Variants in PLXNB1 observed in about 807,000 individuals in gnomAD.
PLXNB1 encodes the protein plexin-B1.
A neutral mutation model predicts 209.4 loss-of-function variants in PLXNB1; 106 were observed. That is an observed-to-expected ratio of 0.51 (90% CI 0.43 to 0.59). The LOEUF (loss-of-function observed/expected upper bound fraction) is 0.59, where lower values mean the gene tolerates loss of function less well. Among genes scored for constraint, PLXNB1 ranks in the 20% least tolerant of loss-of-function variants. The probability of loss-of-function intolerance (pLI) is 0.00; values close to 1 mark genes in which losing one functional copy is unlikely to be tolerated. For synonymous variants in PLXNB1, 1,167 were observed against 1,183.2 expected, an observed-to-expected ratio of 0.99 and a Z score of 0.28; for missense variants, 2,357 against 2,853.2, an observed-to-expected ratio of 0.83 and a Z score of 3.96.
At chr3:48,422,513 A>G (rs950652990) in intron 4 of PLXNB1, 54 bp from the exon 5 acceptor site, 14 of 1,506,578 alleles carry the variant, frequency 9.3e-6, no homozygotes, top group Non-Finnish European at 1.2e-5. Context: ...AGAGGCCCAA[A>G]GCCCTCCCCT....
In PLXNB1 at chr3:48,422,083, G is replaced by A. The variant is rs1031684782; in HGVS notation, c.1520+22C>T. 5.6e-6 allele frequency: 9 copies of A among 1,593,752 alleles called. No individual in the cohort carries two copies. The African/African-American group carries it at 9.4e-5, about 17-fold the overall frequency. ...GCATTGTGGGCTTGAGGCTGGGGCT[G>A]GGATGGGGTCAGAAATCTGACCTGC... On this transcript the variant is annotated intron_variant, in intron 6 of 37. Transcript: ENST00000296440.
rs200324944 is a variant in PLXNB1 at position 48,409,573 on chromosome 3, G to A, written c.5937C>T (p.Asn1979=). ...DQDTIHIWKT[N]SLPLRFWINI... Reference sequence around the variant, plus strand: ...GAGCCCACCCAGCTCCACCCCACCTGTTGGTCTTCCAGATGTGGATGGTGT... The same window carrying A: ...GAGCCCACCCAGCTCCACCCCACCTATTGGTCTTCCAGATGTGGATGGTGT... Residue 1979 remains asparagine, a splice_region_variant and synonymous_variant, in exon 33 of 38, where the codon AAC becomes AAT. Coordinates refer to ENST00000296440, the MANE Select transcript of PLXNB1 (RefSeq NM_001130082.3). The surrounding 1 kb of genome is among the most constrained non-coding windows in gnomAD (Gnocchi z 5.8). 1.9e-6 allele frequency: 3 copies of A among 1,613,454 alleles called. No individual in the cohort carries two copies. The highest frequency in any genetic ancestry group is 8.5e-7 in the Non-Finnish European group (1 of 1,179,732).
At position 48,421,690 on chromosome 3, in the gene PLXNB1, C is replaced by T. The variant is rs754980263; in HGVS notation, c.1637G>A (p.Arg546Gln). The change falls in exon 7 of 38, where the codon CGA (arginine) becomes CAA (glutamine). Residue 546 changes from arginine (R) to glutamine (Q), a missense_variant. Physicochemically the swap from Arg to Gln is conservative, Grantham distance 43. Coordinates refer to ENST00000296440, the MANE Select transcript of PLXNB1 (RefSeq NM_001130082.3). Reference sequence around the variant, plus strand: ...ATCATTCACCTCCCTCGTCTCCTCTCGGCTGATGTTGGCAGGACTCATGGC... The same window carrying T: ...ATCATTCACCTCCCTCGTCTCCTCTTGGCTGATGTTGGCAGGACTCATGGC... ...VAAMSPANIS[R>Q]EETREVFLSV... The T allele has an allele frequency of 2.5e-6, 4 of 1,606,134 alleles. No individual in the cohort carries two copies. Among genetic ancestry groups the T allele is most frequent in the Admixed American group, 3.3e-5 (2 of 59,874 alleles).
rs747383668 is a variant in PLXNB1 at position 48,409,318 on chromosome 3, G to C, written c.6087+11C>G. The C allele has an allele frequency of 6.2e-7, 1 of 1,613,774 alleles. No homozygotes were observed. Among genetic ancestry groups the C allele is most frequent in the Non-Finnish European group, 8.5e-7 (1 of 1,179,956 alleles). ...CACCCATCCCCCCGTGTCCATCCCA[G>C]ACTCGCTCACCCGGCCCAGCTTGTG... On this transcript the variant is annotated intron_variant, in intron 34 of 37. Coordinates refer to ENST00000296440, the MANE Select transcript of PLXNB1 (RefSeq NM_001130082.3). This position sits in a 1 kb window ranked among gnomAD's most constrained non-coding sequence, Gnocchi z 5.8.
Position 48,421,284 on chromosome 3 carries a change from C to G in PLXNB1, c.1754G>C (p.Gly585Ala). The G allele has an allele frequency of 6.2e-7, 1 of 1,610,894 alleles. No homozygotes were observed. Among genetic ancestry groups the G allele is most frequent in the Non-Finnish European group, 8.5e-7 (1 of 1,178,380 alleles). ...HQSPALLTGS[G>A]VMCPSPDPSE... ...AGGGTCTGGGGAGGGGCACATCACA[C>G]CAGAACCAGTCAGCAGGGCAGGACT... Residue 585 changes from glycine (G) to alanine (A), a missense_variant, in exon 8 of 38, where the codon GGT (glycine) becomes GCT (alanine). Physicochemically the swap from Gly to Ala is moderately conservative, Grantham distance 60. Transcript: ENST00000296440.
rs866157901 is a variant in PLXNB1 at position 48,411,223 on chromosome 3, C to A, written c.5248-187G>T. 6.6e-6 allele frequency among the ~76,000 whole-genome samples: 1 copy of A among 152,210 alleles called. No homozygotes were observed. The highest frequency in any genetic ancestry group is 1.5e-5 in the Non-Finnish European group (1 of 68,030). On this transcript the variant is annotated intron_variant, in intron 28 of 37. Coordinates refer to ENST00000296440, the MANE Select transcript of PLXNB1 (RefSeq NM_001130082.3). This position sits in a 1 kb window ranked among gnomAD's most constrained non-coding sequence, Gnocchi z 4.0. ...CAGCAGCTTCCTCCCCATTGTGACC[C>A]CAGCACCTAGCGCAGTGCACTTGTA... is the stretch of plus-strand genomic sequence containing the variant.
chr3:48,407,211 A>G lies in PLXNB1; in HGVS notation c.6088-120T>C, dbSNP rs942951191. On this transcript the variant is annotated intron_variant, in intron 34 of 37. Transcript: ENST00000296440. ...CAGTTTTGAAAAGGAAAAGTCTCAC[A>G]TCCCAGGAAGCCCCTGAGTCCCGGA... 7.8e-6 allele frequency: 7 copies of G among 898,426 alleles called. No individual in the cohort carries two copies. The South Asian group carries it at 1.1e-4, about 14-fold the overall frequency. 55.7% of individuals were successfully genotyped at this position (898,426 alleles called of 1,614,324 possible).
At chr3:48,425,060 T>TG (rs1282360424) in intron 2 of PLXNB1, among the ~76,000 whole-genome samples, 1 of 152,202 alleles carries the variant, frequency 6.6e-6, no homozygotes, top group Non-Finnish European at 1.5e-5. Flanking sequence ...GGAGGTCTCC[T>TG]GAACCAGCAG....
intron 3 of PLXNB1, 148 bp from the exon 4 acceptor site, chr3:48,423,095 C>G (rs2038643265): frequency 4.5e-6 from 3 of 666,578 alleles, no homozygotes; most frequent in Non-Finnish European, 7.8e-6. Context: ...CTGGGACAAT[C>G]TCATCCCCGC....
rs547551296 is a variant in PLXNB1 at position 48,412,342 on chromosome 3, G to A, written c.5034-38C>T. ...GAAAGGGGAGTGCCAGGGTCAGCAG[G>A]TGGGGCTGCGGGCCTCTCTATCCTG... On this transcript the variant is annotated intron_variant, in intron 26 of 37. Transcript: ENST00000296440. The A allele has an allele frequency of 8.7e-6, 14 of 1,612,666 alleles. No individual in the cohort carries two copies. The South Asian group carries it at 1.2e-4, about 14-fold the overall frequency.
chr3:48,418,226 C>T lies in PLXNB1; in HGVS notation c.3187G>A (p.Val1063Met), dbSNP rs2038228137. 2 of 1,612,374 alleles carry T rather than the reference C, an allele frequency of 1.2e-6. No homozygotes were observed. The highest frequency in any genetic ancestry group is 1.1e-5 in the South Asian group (1 of 90,946). ...AGGGGCGCTGGGCACTGGGTGGCCA[C>T]AGCCTCAGCCTCACCACAGGCCTCC... is the stretch of plus-strand genomic sequence containing the variant. ...TREACGEAEA[V>M]ATQCPAPLIH... The change falls in exon 15 of 38, where the codon GTG (valine) becomes ATG (methionine). Residue 1063 changes from valine (V) to methionine (M), a missense_variant. By Grantham distance (21) the Val-to-Met change is conservative. Around this residue, in one of 7 missense-constraint regions of PLXNB1, gnomAD observed 743 missense variants for 896.2 expected, o/e 0.83. Coordinates refer to ENST00000296440, the MANE Select transcript of PLXNB1 (RefSeq NM_001130082.3). This position sits in a 1 kb window ranked among gnomAD's most constrained non-coding sequence, Gnocchi z 6.6.
At chr3:48,404,670 C>T (rs946864639) in intron 37 of PLXNB1, 80 bp from the exon 38 acceptor site, 9 of 920,928 alleles carry the variant, frequency 9.8e-6, no homozygotes, top group African/African-American at 8.3e-5. Context: ...CCTCCTAAGA[C>T]GCTGTGGCAT....
At chr3:48,422,694 C>A in intron 4 of PLXNB1, 71 bp downstream of exon 4, 2 of 1,516,200 alleles carry the variant, frequency 1.3e-6, no homozygotes, top group Non-Finnish European at 1.8e-6. Flanking sequence ...ATAGCTTAAA[C>A]CAGGCTGGGT....
chr3:48,409,937 C>T lies in PLXNB1; in HGVS notation c.5746G>A (p.Glu1916Lys). 1 of 1,612,020 alleles carries T rather than the reference C, an allele frequency of 6.2e-7. No homozygotes were observed. Among genetic ancestry groups the T allele is most frequent in the Non-Finnish European group, 8.5e-7 (1 of 1,179,412 alleles). ...GERERAKAIP[E>K]IYLTRLLSMK... ...GACAGCAGGCGGGTCAGGTAGATCT[C>T]AGGGATGGCCTTGGCGCGCTCACGC... is the stretch of plus-strand genomic sequence containing the variant. The change falls in exon 32 of 38, where the codon GAG (glutamate) becomes AAG (lysine). Residue 1916 changes from glutamate (E) to lysine (K), a missense_variant. Physicochemically the swap from Glu to Lys is moderately conservative, Grantham distance 56 (BLOSUM62 1). This residue lies in a region of PLXNB1 where 414 missense variants were observed against 520.5 expected (regional missense o/e 0.80). Coordinates refer to ENST00000296440, the MANE Select transcript of PLXNB1 (RefSeq NM_001130082.3). The surrounding 1 kb of genome is among the most constrained non-coding windows in gnomAD (Gnocchi z 5.8).
At chr3:48,428,263 G>C (rs1466786774) in intron 1 of PLXNB1, among the ~76,000 whole-genome samples, 1 of 152,156 alleles carries the variant, frequency 6.6e-6, no homozygotes, top group South Asian at 2.1e-4. Flanking sequence ...AGACTGAAAA[G>C]GCTGATCTAG....
rs1477024961 is a variant in PLXNB1 at position 48,419,486 on chromosome 3, C to T, written c.2709+91G>A. 1 of 1,503,566 alleles carries T rather than the reference C, an allele frequency of 6.7e-7. No homozygotes were observed. The highest frequency in any genetic ancestry group is 9.0e-7 in the Non-Finnish European group (1 of 1,114,378). The allele number at this position is 1,503,566 out of a possible 1,614,324, so 93.1% of individuals were successfully genotyped here. A position where few individuals can be genotyped will look rare whatever the true frequency, so the allele number is the denominator to read the frequency against. ...CTGCAGACTCCACCCTGCCCCTCAC[C>T]TCCTCCCAGTGCAGAATCACAAGGC... On this transcript the variant is annotated intron_variant, in intron 11 of 37. Coordinates refer to ENST00000296440, the MANE Select transcript of PLXNB1 (RefSeq NM_001130082.3). This position sits in a 1 kb window ranked among gnomAD's most constrained non-coding sequence, Gnocchi z 5.7.
Position 48,415,511 on chromosome 3 carries a change from C to G in PLXNB1, c.3794+72G>C. 1 of 1,467,460 alleles carries G rather than the reference C, an allele frequency of 6.8e-7. No individual in the cohort carries two copies. The highest frequency in any genetic ancestry group is 9.2e-7 in the Non-Finnish European group (1 of 1,084,680). The allele number at this position is 1,467,460 out of a possible 1,614,324, so 90.9% of individuals were successfully genotyped here. On this transcript the variant is annotated intron_variant, in intron 19 of 37. Coordinates refer to ENST00000296440, the MANE Select transcript of PLXNB1 (RefSeq NM_001130082.3). This position sits in a 1 kb window ranked among gnomAD's most constrained non-coding sequence, Gnocchi z 5.0. ...CTCAGTGCCTCAACATAAAGCCCTACAAACCCCCACATAGTGGAGCTGCAA... is the reference window on the plus strand; with the variant it reads ...CTCAGTGCCTCAACATAAAGCCCTAGAAACCCCCACATAGTGGAGCTGCAA...
At chr3:48,428,655 G>A (rs1051959980) in intron 1 of PLXNB1, among the ~76,000 whole-genome samples, 4 of 152,180 alleles carry the variant, frequency 2.6e-5, no homozygotes, top group African/African-American at 9.7e-5. Flanking sequence ...CACTACAGAG[G>A]TGAGTTATTC....
Position 48,410,609 on chromosome 3 carries a change from T to C in PLXNB1, c.5417-51A>G, listed in dbSNP as rs2037616829. On this transcript the variant is annotated intron_variant, in intron 29 of 37. Transcript: ENST00000296440. This position sits in a 1 kb window ranked among gnomAD's most constrained non-coding sequence, Gnocchi z 6.4. ...GCAGGGCTGGAAGATACCCTTCCCA[T>C]AGTGGAGCCCATCTCCTCCTCCACA... 2.7e-6 allele frequency: 4 copies of C among 1,464,024 alleles called. No homozygotes were observed. Among genetic ancestry groups the C allele is most frequent in the East Asian group, 2.3e-5 (1 of 44,004 alleles). 90.7% of individuals were successfully genotyped at this position (1,464,024 alleles called of 1,614,324 possible).
Sources: allele counts gnomAD v4.1 joint callset (sites outside exome capture counted in the v4.1 genomes callset), GRCh38; gene constraint gnomAD v4.1.1; regional missense constraint gnomAD v4.1.1; non-coding constraint Gnocchi (gnomAD v3.1); transcripts MANE v1.5; gene names NCBI Gene and HGNC (gene_info 2026-07-23, HGNC 2026-07-21).